The following MEGF10 variants were observed in gnomAD, a reference collection of about 807,000 sequenced individuals.
MEGF10 encodes the protein multiple EGF like domains 10.
Under a neutral mutation model 147.5 loss-of-function variants are expected in MEGF10, and 86 were observed. That is an observed-to-expected ratio of 0.58 (90% CI 0.49 to 0.70). MEGF10 has a LOEUF of 0.70. Ranked by LOEUF, MEGF10 falls within the 30% of genes least tolerant of loss-of-function variation. The pLI is 0.00. For synonymous variants in MEGF10, 478 were observed against 525.5 expected (o/e 0.91, Z 1.24); for missense variants, 1,329 against 1,487.3 (o/e 0.89, Z 1.75).
chr5:127,414,861 A>G (rs575417441), intron 9 of MEGF10, among the ~76,000 whole-genome samples: 2 of 152,194 alleles, frequency 1.3e-5, no homozygotes, highest in Non-Finnish European at 2.9e-5. Flanking sequence ...AGAATTATAG[A>G]TTGTGAAAAG....
At chr5:127,449,354 T>C in intron 22 of MEGF10, 132 bp downstream of exon 22, 2 of 1,210,692 alleles carry the variant, frequency 1.7e-6, no homozygotes, top group East Asian at 2.5e-5. Flanking sequence ...GAATTATGCC[T>C]AACACCTGTA....
intron 18 of MEGF10, among the ~76,000 whole-genome samples, chr5:127,441,588 ACTTT>A (rs1253584067): frequency 1.6e-4 from 24 of 152,274 alleles, no homozygotes; most frequent in Admixed American, 1.4e-3. Context: ...TTCCTCTATG[ACTTT>A]CTTTCAGTAT....
chr5:127,247,356 GAA>G, the MEGF10 span, among the ~76,000 whole-genome samples: 3 of 2,212 alleles, frequency 1.4e-3, 1 homozygote, highest in South Asian at 0.018. Flanking sequence ...AGAAGAAGAA[GAA>G]GAAGAAGAAG....
At chr5:127,343,964 G>C (rs1761779068) in intron 4 of MEGF10, among the ~76,000 whole-genome samples, 1 of 152,152 alleles carries the variant, frequency 6.6e-6, no homozygotes, top group South Asian at 2.1e-4. Context: ...GCTTGTAGAT[G>C]TCACCAGGAT....
At chr5:127,247,392 GAAGAAGAAGAAGAAGAAGAAGAAGAA>G in the MEGF10 span, among the ~76,000 whole-genome samples, 1 of 36,190 alleles carries the variant, frequency 2.8e-5, no homozygotes, top group African/African-American at 1.2e-4. Context: ...AGAAGAAGAA[GAAGAAGAAGAAGAAGAAGAAGAAGAA>G]GAAGAAGAAG....
intron 5 of MEGF10, among the ~76,000 whole-genome samples, chr5:127,383,025 G>A (rs1763312742): frequency 6.6e-6 from 1 of 152,170 alleles, no homozygotes; most frequent in South Asian, 2.1e-4. Context: ...TAACTTTAGA[G>A]ATCAATTTGA....
chr5:127,254,810 G>C, the MEGF10 span, among the ~76,000 whole-genome samples: 100,626 of 144,366 alleles, frequency 0.7, 34,662 homozygotes, highest in African/African-American at 0.85. Context: ...GACTCCATCT[G>C]AAAAAAAAAA....
intron 1 of MEGF10, among the ~76,000 whole-genome samples, chr5:127,330,959 T>C (rs1247452931): frequency 6.6e-6 from 1 of 152,148 alleles, no homozygotes; most frequent in African/African-American, 2.4e-5. Flanking sequence ...ATATGCCAGG[T>C]GAGAGAATGT....
At chr5:127,429,550 T>C (rs751082917) in intron 13 of MEGF10, among the ~76,000 whole-genome samples, 30 of 152,280 alleles carry the variant, frequency 2.0e-4, no homozygotes, top group South Asian at 6.2e-4. Context: ...CTAGGTGCTA[T>C]GGTGAGCAAA....
intron 9 of MEGF10, among the ~76,000 whole-genome samples, chr5:127,412,466 CATTAGCATTT>C (rs1265213666): frequency 6.6e-6 from 1 of 152,174 alleles, no homozygotes; most frequent in Admixed American, 6.5e-5. Flanking sequence ...AGTTTGTTCA[CATTAGCATTT>C]ATCAAGCAAG....
At chr5:127,428,424 C>T (rs752065724) in intron 13 of MEGF10, among the ~76,000 whole-genome samples, 7 of 152,190 alleles carry the variant, frequency 4.6e-5, no homozygotes, top group Admixed American at 2.0e-4. Flanking sequence ...TCAGGACAGT[C>T]GCTCTATCAG....
chr5:127,424,184 A>G (rs1765128019), intron 13 of MEGF10, among the ~76,000 whole-genome samples: 1 of 152,176 alleles, frequency 6.6e-6, no homozygotes, highest in Admixed American at 6.5e-5. Context: ...CATTCCATAA[A>G]TGTGAGAGGA....
chr5:127,305,485 A>AT (rs1410986648), intron 1 of MEGF10, among the ~76,000 whole-genome samples: 1 of 152,166 alleles, frequency 6.6e-6, no homozygotes, highest in African/African-American at 2.4e-5. Context: ...CAGAAGAGTG[A>AT]TGACTGTGCC....
chr5:127,424,527 C>T (rs971473073), intron 13 of MEGF10: 2 of 1,430,776 alleles, frequency 1.4e-6, no homozygotes, highest in Non-Finnish European at 9.1e-7. Flanking sequence ...GCAACCTCTT[C>T]AGTAGTGTCT....
chr5:127,388,495 G>T (rs1763519665), intron 5 of MEGF10, among the ~76,000 whole-genome samples: 1 of 151,028 alleles, frequency 6.6e-6, no homozygotes, highest in Admixed American at 6.6e-5. Flanking sequence ...AATCTGGCTA[G>T]CTCCTTAATT....
chr5:127,423,816 A>C (rs955073491), intron 13 of MEGF10, among the ~76,000 whole-genome samples: 1 of 151,966 alleles, frequency 6.6e-6, no homozygotes, highest in Non-Finnish European at 1.5e-5. Context: ...ATTTTATTCC[A>C]TTCTTTGAGT....
At chr5:127,259,598 T>A in the MEGF10 span, among the ~76,000 whole-genome samples, 1 of 152,204 alleles carries the variant, frequency 6.6e-6, no homozygotes, top group Non-Finnish European at 1.5e-5. Context: ...CTTATACTGC[T>A]GTATCCCCTA....
intron 1 of MEGF10, among the ~76,000 whole-genome samples, chr5:127,317,522 T>C (rs1315663201): frequency 6.6e-6 from 1 of 152,186 alleles, no homozygotes; most frequent in East Asian, 1.9e-4. Context: ...GTTTCAGCTT[T>C]CTACATAGAA....
chr5:127,442,773 C>T (rs376557139), intron 18 of MEGF10, among the ~76,000 whole-genome samples: 7 of 152,156 alleles, frequency 4.6e-5, no homozygotes, highest in African/African-American at 1.7e-4. Flanking sequence ...GTCAGGAGCT[C>T]TAATGTTGAG....
Sources: gnomAD v4.1 joint callset for allele counts (sites outside exome capture counted in the v4.1 genomes callset) on GRCh38, gnomAD v4.1.1 for gene constraint, MANE v1.5 for transcripts, NCBI Gene and HGNC (gene_info 2026-07-23, HGNC 2026-07-21) for gene names.